GLI3: variants seen among roughly 807,000 people sequenced by gnomAD.
The protein encoded by GLI3 is GLI family zinc finger 3, also known as transcription activator GLI3.
Under a neutral mutation model 100.8 loss-of-function variants are expected in GLI3, and 20 were observed. That is an observed-to-expected ratio of 0.20 (90% confidence interval 0.14 to 0.29). The LOEUF is 0.29. Among genes scored for constraint, GLI3 ranks in the 10% least tolerant of loss-of-function variants. The pLI is 1.00. For missense variants in GLI3, 2,040 were observed against 2,128.5 expected (o/e 0.96, Z 0.82); for synonymous variants, 938 against 860.5 (o/e 1.09, Z -1.58).
intron 10 of GLI3, among the ~76,000 whole-genome samples, chr7:42,007,849 T>C (rs973486086): frequency 1.3e-5 from 2 of 152,202 alleles, no homozygotes; most frequent in Admixed American, 1.3e-4. Context: ...GTTCACCCTT[T>C]CAAACAGTAT....
intron 4 of GLI3, among the ~76,000 whole-genome samples, chr7:42,055,335 T>A (rs967223027): frequency 1.3e-5 from 2 of 152,038 alleles, no homozygotes; most frequent in Admixed American, 1.3e-4. Flanking sequence ...TTCCATCTGC[T>A]CTTCCTCCTC....
chr7:42,243,325 C>G (rs1480370596), intron 1 of GLI3, among the ~76,000 whole-genome samples: 1 of 152,180 alleles, frequency 6.6e-6, no homozygotes, highest in Non-Finnish European at 1.5e-5. Flanking sequence ...ACAAATTATA[C>G]AGAGAATTTG....
intron 3 of GLI3, among the ~76,000 whole-genome samples, chr7:42,131,538 T>C (rs1473405295): frequency 6.6e-6 from 1 of 152,218 alleles, no homozygotes; most frequent in Non-Finnish European, 1.5e-5. Context: ...ACACAGAGAA[T>C]TTCCACAACC....
intron 2 of GLI3, among the ~76,000 whole-genome samples, chr7:42,212,746 C>T (rs1402160465): frequency 6.6e-6 from 1 of 152,214 alleles, no homozygotes; most frequent in African/African-American, 2.4e-5. Context: ...CACAGCTCCT[C>T]TTTCAAGCTC....
intron 3 of GLI3, among the ~76,000 whole-genome samples, chr7:42,135,661 C>T (rs374031492): frequency 8.3e-4 from 126 of 152,320 alleles, no homozygotes; most frequent in African/African-American, 2.7e-3. Context: ...TTGAGAATTT[C>T]CATGTCTGTC....
chr7:42,180,698 A>T (rs1478669881), intron 2 of GLI3, among the ~76,000 whole-genome samples: 2 of 152,244 alleles, frequency 1.3e-5, no homozygotes, highest in Non-Finnish European at 2.9e-5. Context: ...GGTGAAAATT[A>T]TCTCCTGTTG....
At chr7:42,044,795 A>C (rs997484593) in intron 6 of GLI3, among the ~76,000 whole-genome samples, 6 of 152,202 alleles carry the variant, frequency 3.9e-5, no homozygotes, top group African/African-American at 1.4e-4. Context: ...TAAAGCATAA[A>C]ATCCATGAAA....
intron 1 of GLI3, among the ~76,000 whole-genome samples, chr7:42,256,026 T>C (rs1789081428): frequency 6.6e-6 from 1 of 152,210 alleles, no homozygotes; most frequent in Non-Finnish European, 1.5e-5. Context: ...GGTATCCCAT[T>C]GTGGCTTTAA....
At chr7:42,242,495 A>C (rs1006919092), upstream of GLI3, among the ~76,000 whole-genome samples, 1 of 152,184 alleles carries the variant, frequency 6.6e-6, no homozygotes, top group African/African-American at 2.4e-5. Context: ...GACATTCCCC[A>C]CTAGAATGTC....
intron 1 of GLI3, among the ~76,000 whole-genome samples, chr7:42,231,880 G>A (rs1449618014): frequency 1.3e-5 from 2 of 148,792 alleles, no homozygotes; most frequent in Admixed American, 6.7e-5. Flanking sequence ...GCCTTCCTAG[G>A]CATTTCATGC....
At chr7:42,196,709 C>A (rs1453353355) in intron 2 of GLI3, among the ~76,000 whole-genome samples, 1 of 152,136 alleles carries the variant, frequency 6.6e-6, no homozygotes, top group Admixed American at 6.5e-5. Context: ...TGTTGGTACA[C>A]TTGACAAGAG....
chr7:42,132,806 A>G (rs1019376525), intron 3 of GLI3, among the ~76,000 whole-genome samples: 7 of 152,250 alleles, frequency 4.6e-5, no homozygotes, highest in African/African-American at 1.7e-4. Flanking sequence ...GAAATGAGCC[A>G]ACATGAGCAG....
chr7:42,203,705 A>G (rs970892889), intron 2 of GLI3, among the ~76,000 whole-genome samples: 1 of 152,116 alleles, frequency 6.6e-6, no homozygotes, highest in African/African-American at 2.4e-5. Flanking sequence ...TCTCTTTAAA[A>G]TATTGATTTG....
intron 10 of GLI3, among the ~76,000 whole-genome samples, chr7:42,020,509 C>T (rs543909715): frequency 6.6e-6 from 1 of 152,198 alleles, no homozygotes; most frequent in East Asian, 1.9e-4. Context: ...TTTCTATTAA[C>T]TGTAAGAGGG....
intron 4 of GLI3, among the ~76,000 whole-genome samples, chr7:42,058,995 A>G (rs796538480): frequency 3.3e-5 from 5 of 152,358 alleles, no homozygotes; most frequent in African/African-American, 4.8e-5. Flanking sequence ...TGCTGGTTCA[A>G]ATAAGTACTT....
intron 2 of GLI3, among the ~76,000 whole-genome samples, chr7:42,207,231 T>C (rs1229416392): frequency 6.6e-6 from 1 of 152,232 alleles, no homozygotes; most frequent in African/African-American, 2.4e-5. Flanking sequence ...CCAATGTTCC[T>C]GACAGCCAAA....
chr7:41,996,324 CCT>C (rs1325510072), intron 10 of GLI3, among the ~76,000 whole-genome samples: 1 of 152,062 alleles, frequency 6.6e-6, no homozygotes, highest in Non-Finnish European at 1.5e-5. Context: ...AGAGAAAAGG[CCT>C]CTCTCAGAGC....
intron 1 of GLI3, among the ~76,000 whole-genome samples, chr7:42,229,011 G>A (rs539312172): frequency 1.9e-4 from 29 of 152,178 alleles, no homozygotes; most frequent in South Asian, 6.2e-4. Context: ...AACCCCCATG[G>A]GAGCAGGATT....
At chr7:42,152,255 A>T (rs1270226914) in intron 2 of GLI3, 2 of 253,960 alleles carry the variant, frequency 7.9e-6, no homozygotes, top group Non-Finnish European at 1.2e-5. Context: ...TTCCCACTTA[A>T]CATTGATTTT....
Sources: allele counts gnomAD v4.1 joint callset (sites outside exome capture counted in the v4.1 genomes callset), GRCh38; gene constraint gnomAD v4.1.1; transcripts MANE v1.5; gene names NCBI Gene and HGNC (gene_info 2026-07-23, HGNC 2026-07-21).